Variants in PMPCB observed in about 807,000 individuals in gnomAD.
The protein encoded by PMPCB is peptidase, mitochondrial processing subunit beta.
A neutral mutation model predicts 61.5 loss-of-function variants in PMPCB; 46 were observed. The observed-to-expected ratio is 0.75, with a 90% confidence interval of 0.59 to 0.96. PMPCB has a LOEUF of 0.96. Among genes scored for constraint, PMPCB ranks in the 40% least tolerant of loss-of-function variants. PMPCB has a pLI of 0.00. For missense variants in PMPCB, 590 were observed against 602.4 expected, an observed-to-expected ratio of 0.98 and a Z score of 0.22; for synonymous variants, 191 against 201.6, an observed-to-expected ratio of 0.95 and a Z score of 0.44.
At chr7:103,298,074 G>A in intron 1 of PMPCB, 1 of 410,702 alleles carries the variant, frequency 2.4e-6, no homozygotes, top group Non-Finnish European at 3.8e-6. Flanking sequence ...GTTTCTGGCC[G>A]AAAAGCCAGT....
chr7:103,306,905 C>G (rs1323865775), intron 6 of PMPCB, among the ~76,000 whole-genome samples: 1 of 152,114 alleles, frequency 6.6e-6, no homozygotes, highest in Non-Finnish European at 1.5e-5. Flanking sequence ...ATTACAGGCG[C>G]CTGCTACCAT....
chr7:103,310,246 C>G (rs892575159), intron 8 of PMPCB, 69 bp from the exon 9 acceptor site: 1 of 1,176,440 alleles, frequency 8.5e-7, no homozygotes, highest in African/African-American at 1.5e-5. Context: ...TTTCCACACA[C>G]TCCATTTTTC....
chr7:103,315,775 TC>T (rs1302727294), downstream of PMPCB: 1 of 1,613,398 alleles, frequency 6.2e-7, no homozygotes, highest in Non-Finnish European at 8.5e-7. Flanking sequence ...TTCAAATCGT[TC>T]TGAAGGCGTT....
the PMPCB span, among the ~76,000 whole-genome samples, chr7:103,341,059 G>A: frequency 2.0e-5 from 3 of 152,118 alleles, no homozygotes; most frequent in Admixed American, 1.3e-4. Context: ...GGTCACCAAA[G>A]CCTGTTAATG....
At position 103,314,144 on chromosome 7, in the gene PMPCB, A is replaced by G. The variant is rs79318652; in HGVS notation, c.*1873A>G. On this transcript the variant is annotated 3_prime_UTR_variant, in exon 13 of 13. Coordinates refer to ENST00000249269, the MANE Select transcript of PMPCB (RefSeq NM_004279.3). Reference sequence around the variant, plus strand: ...TTTTTGAAGGTAGCTTTTAAGTTCTAGGAAGTCTTTTGTTGAATTTCCTTG... The same window carrying G: ...TTTTTGAAGGTAGCTTTTAAGTTCTGGGAAGTCTTTTGTTGAATTTCCTTG... 2,036 of 985,438 alleles carry G rather than the reference A, an allele frequency of 2.1e-3. 132 individuals carry two copies. In the East Asian group the frequency reaches 0.14, roughly 68 times the overall value. The allele number at this position is 985,438 out of a possible 1,614,324, so 61.0% of individuals were successfully genotyped here.
chr7:103,319,121 G>C (rs1004851374), downstream of PMPCB, among the ~76,000 whole-genome samples: 6 of 152,018 alleles, frequency 3.9e-5, no homozygotes, highest in Non-Finnish European at 8.8e-5. Flanking sequence ...CTGGGTGACA[G>C]AGAGAGACTC....
At chr7:103,327,481 C>G in intron 12 of PMPCB, 2 of 690,486 alleles carry the variant, frequency 2.9e-6, no homozygotes, top group Non-Finnish European at 4.8e-6. Context: ...GGGGACACCT[C>G]ACTTTGTGTC....
chr7:103,315,282 C>T (rs1817986006), downstream of PMPCB, among the ~76,000 whole-genome samples: 1 of 151,912 alleles, frequency 6.6e-6, no homozygotes, highest in Non-Finnish European at 1.5e-5. Flanking sequence ...TATACTCTGC[C>T]TACATTCCCC....
chr7:103,334,247 G>A (rs145821916), downstream of PMPCB, among the ~76,000 whole-genome samples: 2,898 of 151,580 alleles, frequency 0.019, 91 homozygotes, highest in African/African-American at 0.065. Flanking sequence ...CACTGTGCCC[G>A]GCCTGTTGTG....
chr7:103,334,596 T>A, the PMPCB span, among the ~76,000 whole-genome samples: 15 of 150,534 alleles, frequency 1.0e-4, no homozygotes, highest in Non-Finnish European at 2.1e-4. Flanking sequence ...AAAAGAAATC[T>A]TGAAAAAAAA....
At chr7:103,331,223 G>A (rs1430525899), downstream of PMPCB, among the ~76,000 whole-genome samples, 3 of 152,206 alleles carry the variant, frequency 2.0e-5, no homozygotes, top group Non-Finnish European at 2.9e-5. Flanking sequence ...CTCCCAAAGC[G>A]CTGGGATTAC....
Position 103,312,469 on chromosome 7 carries a change from CA to C in PMPCB, c.*199del. On this transcript the variant is annotated 3_prime_UTR_variant, in exon 13 of 13. Coordinates refer to ENST00000249269, the MANE Select transcript of PMPCB (RefSeq NM_004279.3). ...GTTCTCTGAGAAATTATGTTGGAAGCAGCATACTTTCAAATTATTACCATGA... is the reference window on the plus strand; with the variant it reads ...GTTCTCTGAGAAATTATGTTGGAAGCGCATACTTTCAAATTATTACCATGA... 6.5e-7 allele frequency: 1 copy of C among 1,545,250 alleles called. No homozygotes were observed. The highest frequency in any genetic ancestry group is 8.7e-7 in the Non-Finnish European group (1 of 1,152,972).
chr7:103,326,758 C>A, intron 12 of PMPCB: 1 of 1,401,906 alleles, frequency 7.1e-7, no homozygotes. Context: ...AAGTATTTCC[C>A]TCCTTAAAAC....
intron 12 of PMPCB, among the ~76,000 whole-genome samples, chr7:103,325,745 C>T (rs969943920): frequency 1.2e-4 from 16 of 139,030 alleles, no homozygotes; most frequent in African/African-American, 4.9e-4. Flanking sequence ...AATATTGGTA[C>T]ATAACTATTT....
In PMPCB at chr7:103,314,325, T is replaced by C; in HGVS notation, c.*2054T>C. 1.0e-6 allele frequency: 1 copy of C among 985,398 alleles called. No individual in the cohort carries two copies. The highest frequency in any genetic ancestry group is 1.2e-6 in the Non-Finnish European group (1 of 829,906). 61.0% of individuals were successfully genotyped at this position (985,398 alleles called of 1,614,324 possible). On this transcript the variant is annotated 3_prime_UTR_variant, in exon 13 of 13. Transcript: ENST00000249269. ...CAAAACTCCTATGAGAAATCACTAT[T>C]CAAAAAATGGTGCCAGCTTGCTGTT...
chr7:103,324,606 T>C (rs773302992), intron 12 of PMPCB: 1 of 1,361,420 alleles, frequency 7.3e-7, no homozygotes, highest in Non-Finnish European at 9.8e-7. Context: ...TCAAAAATTA[T>C]GTACAACAGT....
At position 103,310,274 on chromosome 7, in the gene PMPCB, T is replaced by C. The variant is rs891010974; in HGVS notation, c.994-41T>C. The C allele has an allele frequency of 5.3e-6, 8 of 1,500,942 alleles. No homozygotes were observed. The African/African-American group carries it at 6.9e-5, about 13-fold the overall frequency. The allele number at this position is 1,500,942 out of a possible 1,614,324, so 93.0% of individuals were successfully genotyped here. ...CATTTTTCTTTCTGTATTTTGGACATGTATAATTAAAATTCTCTTGGAATT... is the reference window on the plus strand; with the variant it reads ...CATTTTTCTTTCTGTATTTTGGACACGTATAATTAAAATTCTCTTGGAATT... On this transcript the variant is annotated intron_variant, in intron 8 of 12. Transcript: ENST00000249269.
At chr7:103,322,513 T>C (rs1818476029) in intron 12 of PMPCB, 1 of 1,481,688 alleles carries the variant, frequency 6.7e-7, no homozygotes. Context: ...TGTCTTACTT[T>C]TTCTTTAGCT....
In PMPCB at chr7:103,310,372, C is replaced by T; in HGVS notation, c.1051C>T (p.Gln351Ter). The T allele has an allele frequency of 6.2e-7, 1 of 1,613,708 alleles. No individual in the cohort carries two copies. Among genetic ancestry groups the T allele is most frequent in the Non-Finnish European group, 8.5e-7 (1 of 1,179,690 alleles). Residue 351 changes from glutamine to a stop codon, truncating the protein, a stop_gained, in exon 9 of 13, where the codon CAG becomes TAG. Coordinates refer to ENST00000249269, the MANE Select transcript of PMPCB (RefSeq NM_004279.3). LOFTEE classifies it high-confidence loss of function. The part of the protein sequence containing the change: ...TCHGNLCHSF[Q>*]SFNTSYTDTG... ...TCATGGCAATCTTTGCCATAGCTTT[C>T]AGTCTTTCAACACTTCCTACACAGA...
Sources: gnomAD v4.1 joint callset for allele counts (sites outside exome capture counted in the v4.1 genomes callset) on GRCh38, gnomAD v4.1.1 for gene constraint, MANE v1.5 for transcripts, NCBI Gene and HGNC (gene_info 2026-07-23, HGNC 2026-07-21) for gene names.